The following PPP1R3F variants were observed in gnomAD, a reference collection of about 807,000 sequenced individuals.
PPP1R3F encodes protein phosphatase 1 regulatory subunit 3F.
A neutral mutation model predicts 24.2 loss-of-function variants in PPP1R3F; 29 were observed. That is an observed-to-expected ratio of 1.20 (90% CI 0.89 to 1.63). The LOEUF (loss-of-function observed/expected upper bound fraction) is 1.63, where lower values mean the gene tolerates loss of function less well. Ranked by LOEUF, PPP1R3F falls within the 40% of genes most tolerant of loss-of-function variation. The probability of loss-of-function intolerance (pLI) is 0.00; values close to 1 mark genes in which losing one functional copy is unlikely to be tolerated. For synonymous variants in PPP1R3F, 363 were observed against 340.1 expected (o/e 1.07, Z -0.74); for missense variants, 823 against 729.3 (o/e 1.13, Z -1.48).
intron 3 of PPP1R3F, among the ~76,000 whole-genome samples, chrX:49,284,458 C>T: frequency 6.4e-5 from 5 of 77,790 alleles, no homozygotes; most frequent in Admixed American, 1.5e-4. Context: ...CTTTATTTTT[C>T]TTTCCTTTCT....
At chrX:49,284,204 C>A (rs1232330744) in intron 3 of PPP1R3F, among the ~76,000 whole-genome samples, 2 of 111,539 alleles carry the variant, frequency 1.8e-5, no homozygotes, top group African/African-American at 3.3e-5. Context: ...TTGAGATGGG[C>A]TACTCTGTCC....
At chrX:49,298,832 G>A (rs1041011209) in intron 3 of PPP1R3F, among the ~76,000 whole-genome samples, 5 of 110,456 alleles carry the variant, frequency 4.5e-5, no homozygotes, top group South Asian at 7.7e-4. Context: ...TGAAGTTCTC[G>A]TGCTGTGTTT....
chrX:49,286,279 C>T lies in PPP1R3F; in HGVS notation c.1589C>T (p.Thr530Met), dbSNP rs143845422. 3.1e-5 allele frequency: 37 copies of T among 1,209,608 alleles called. No homozygotes were observed. The highest frequency in any genetic ancestry group is 3.5e-5 in the Non-Finnish European group (31 of 894,842). ...MSPSHPLGIL[T>M]DRDLILKWPG... ...CCCAGCCATCCCCTGGGCATACTGA[C>T]GGACCGCGACCTGATCTTGAAGTGG... The change falls in exon 4 of 4, where the codon ACG (threonine) becomes ATG (methionine). Residue 530 changes from threonine (T) to methionine (M), a missense_variant. Thr to Met is a moderately conservative substitution (Grantham distance 81). Transcript: ENST00000055335.
intron 3 of PPP1R3F, among the ~76,000 whole-genome samples, chrX:49,299,070 TGGA>T (rs1485935184): frequency 1.8e-5 from 2 of 111,126 alleles, no homozygotes; most frequent in East Asian, 5.7e-4. Context: ...TGTGATCCTT[TGGA>T]GGAGAAGATG....
chrX:49,291,656 T>G (rs1557122390), downstream of PPP1R3F, among the ~76,000 whole-genome samples: 1 of 110,286 alleles, frequency 9.1e-6, no homozygotes. Context: ...ATTTTAGTGG[T>G]CAGTTACTAG....
At chrX:49,289,632 C>T (rs2066303010), downstream of PPP1R3F, among the ~76,000 whole-genome samples, 1 of 111,471 alleles carries the variant, frequency 9.0e-6, no homozygotes, top group African/African-American at 3.3e-5. Context: ...GGGCTGATTA[C>T]CAGAGTCAGG....
In PPP1R3F at chrX:49,278,158, G is replaced by A. The variant is rs782072713; in HGVS notation, c.1005-3248G>A. Reference sequence around the variant, plus strand: ...GGAGTCCTTTACCTGCTGGCTAGCTGATTCCTGAGTGTTCTCCTTTTTCTG... The same window carrying A: ...GGAGTCCTTTACCTGCTGGCTAGCTAATTCCTGAGTGTTCTCCTTTTTCTG... On this transcript the variant is annotated intron_variant, in intron 1 of 3. Coordinates refer to ENST00000055335, the MANE Select transcript of PPP1R3F (RefSeq NM_033215.5). 2.9e-4 allele frequency among the ~76,000 whole-genome samples: 32 copies of A among 112,187 alleles called. No individual in the cohort carries two copies. The South Asian group carries it at 0.012, about 42-fold the overall frequency.
At chrX:49,288,144 A>G (rs151272449), downstream of PPP1R3F, 1 of 112,771 alleles carries the variant, frequency 8.9e-6, no homozygotes, top group East Asian at 2.8e-4. Flanking sequence ...ATTGGAAGAA[A>G]TATCTATACG....
chrX:49,283,005 G>GGGGT (rs2066259130), intron 3 of PPP1R3F, among the ~76,000 whole-genome samples: 1 of 92,732 alleles, frequency 1.1e-5, no homozygotes, highest in African/African-American at 3.9e-5. Flanking sequence ...CATTTTGGAG[G>GGGGT]GTGTGTGTGT....
chrX:49,287,198 C>T lies in PPP1R3F; in HGVS notation c.*108C>T, dbSNP rs781882097. 13 of 808,814 alleles carry T rather than the reference C, an allele frequency of 1.6e-5. No homozygotes were observed. In the African/African-American group the frequency reaches 1.6e-4, roughly 10 times the overall value. 66.7% of individuals were successfully genotyped at this position (808,814 alleles called of 1,213,427 possible). A position where few individuals can be genotyped will look rare whatever the true frequency, so the allele number is the denominator to read the frequency against. The stretch of plus-strand genomic sequence containing the variant: ...AATGCTCAACTGAAAGAGAGGCCTT[C>T]TCATCCCCAAGCTCTCCAGTCAACA... On this transcript the variant is annotated 3_prime_UTR_variant, in exon 4 of 4. Transcript: ENST00000055335.
At chrX:49,291,013 A>G (rs1234554182), downstream of PPP1R3F, among the ~76,000 whole-genome samples, 5 of 111,590 alleles carry the variant, frequency 4.5e-5, no homozygotes, top group African/African-American at 1.3e-4. Flanking sequence ...TTGAGACGCA[A>G]TCTTGTTCTG....
chrX:49,300,630 T>C (rs1460768822), intron 3 of PPP1R3F, among the ~76,000 whole-genome samples: 1 of 109,301 alleles, frequency 9.1e-6, no homozygotes, highest in Admixed American at 9.8e-5. Context: ...GCTGGAACTA[T>C]AGGCACAAGC....
chrX:49,286,612 A>C lies in PPP1R3F; in HGVS notation c.1922A>C (p.Asp641Ala). 8.3e-7 allele frequency: 1 copy of C among 1,210,874 alleles called. No individual in the cohort carries two copies. The highest frequency in any genetic ancestry group is 1.8e-5 in the South Asian group (1 of 56,802). The change falls in exon 4 of 4, where the codon GAT (aspartate) becomes GCT (alanine). Residue 641 changes from aspartate to alanine, a missense_variant. Transcript: ENST00000055335. ...GGTACAGAGGGTCAGTTCATTGGGG[A>C]TCCTGAGAAAGGGATGGGCAAGGAC... is the stretch of plus-strand genomic sequence containing the variant. ...VLGTEGQFIGDPEKGMGKDTS... is the reference protein window; with the variant it reads ...VLGTEGQFIGAPEKGMGKDTS...
chrX:49,281,288 A>G, intron 1 of PPP1R3F, 118 bp from the exon 2 acceptor site: 1 of 448,491 alleles, frequency 2.2e-6, no homozygotes, highest in Non-Finnish European at 3.7e-6. Context: ...GCAGAAGAGA[A>G]AACAGCAGCT....
chrX:49,275,460 C>G (rs2066206674), intron 1 of PPP1R3F: 1 of 111,847 alleles, frequency 8.9e-6, no homozygotes, highest in Non-Finnish European at 1.9e-5. Flanking sequence ...TGTTCCCAAG[C>G]AGCCTCTCAC....
At chrX:49,275,388 A>G (rs2066206302) in intron 1 of PPP1R3F, 1 of 110,628 alleles carries the variant, frequency 9.0e-6, no homozygotes, top group Non-Finnish European at 1.9e-5. Context: ...CACTTGACTG[A>G]TGGCCCAAAT....
At chrX:49,284,880 T>C (rs1288243780) in intron 3 of PPP1R3F, among the ~76,000 whole-genome samples, 3 of 111,249 alleles carry the variant, frequency 2.7e-5, no homozygotes, top group Non-Finnish European at 5.7e-5. Flanking sequence ...AGGCCAAGAT[T>C]TGGGGGCTCG....
chrX:49,283,965 A>T (rs1557121010), intron 3 of PPP1R3F, among the ~76,000 whole-genome samples: 1 of 111,510 alleles, frequency 9.0e-6, no homozygotes. Context: ...GGCTACTTTG[A>T]GATATAGTTT....
In PPP1R3F at chrX:49,270,233, C is replaced by T. The variant is rs1557118715; in HGVS notation, c.364C>T (p.Pro122Ser). ...GFYLVPTFSL[P>S]PAPGRLERLG... ...TTACCTGGTCCCCACATTTTCGCTG[C>T]CGCCCGCGCCGGGCCGTCTGGAGCG... Residue 122 changes from proline (P) to serine (S), a missense_variant, in exon 1 of 4, where the codon CCG (proline) becomes TCG (serine). By Grantham distance (74) the Pro-to-Ser change is moderately conservative. Transcript: ENST00000055335. The T allele has an allele frequency of 2.7e-6, 3 of 1,093,393 alleles. No individual in the cohort carries two copies. The highest frequency in any genetic ancestry group is 3.5e-6 in the Non-Finnish European group (3 of 846,184). The allele number at this position is 1,093,393 out of a possible 1,213,427, so 90.1% of individuals were successfully genotyped here. A position where few individuals can be genotyped will look rare whatever the true frequency, so the allele number is the denominator to read the frequency against.
Sources: gnomAD v4.1 joint callset for allele counts (sites outside exome capture counted in the v4.1 genomes callset) on GRCh38, gnomAD v4.1.1 for gene constraint, MANE v1.5 for transcripts, NCBI Gene and HGNC (gene_info 2026-07-23, HGNC 2026-07-21) for gene names.